DENND1A: variants seen among roughly 807,000 people sequenced by gnomAD.
DENND1A encodes the protein DENN domain containing 1A, also known as DENN domain-containing protein 1A.
Under a neutral mutation model 113.7 loss-of-function variants are expected in DENND1A, and 51 were observed. The observed-to-expected ratio is 0.45, with a 90% CI of 0.36 to 0.57. DENND1A has a LOEUF of 0.57. Among genes scored for constraint, DENND1A ranks in the 20% least tolerant of loss-of-function variants. The probability of loss-of-function intolerance (pLI) is 0.00; values close to 1 mark genes in which losing one functional copy is unlikely to be tolerated. For synonymous variants in DENND1A, 565 were observed against 570.8 expected (o/e 0.99, Z 0.14); for missense variants, 1,258 against 1,395.9 (o/e 0.90, Z 1.57).
intron 19 of DENND1A, among the ~76,000 whole-genome samples, chr9:123,436,213 C>T (rs1048690578): frequency 2.6e-5 from 4 of 152,184 alleles, no homozygotes; most frequent in East Asian, 1.9e-4. Context: ...AATGCCTTCC[C>T]GGGGAGTCTG....
chr9:123,664,425 A>G (rs981530535), intron 8 of DENND1A, among the ~76,000 whole-genome samples: 3 of 151,862 alleles, frequency 2.0e-5, no homozygotes, highest in Non-Finnish European at 2.9e-5. Flanking sequence ...AAAAACTACT[A>G]TTTTTCAATT....
chr9:123,581,873 C>G (rs2058916209), intron 12 of DENND1A, among the ~76,000 whole-genome samples: 1 of 152,292 alleles, frequency 6.6e-6, no homozygotes, highest in African/African-American at 2.4e-5. Context: ...GAGGCCAAAG[C>G]AGAAACAGCA....
At chr9:123,707,721 C>G (rs1421503606) in intron 5 of DENND1A, among the ~76,000 whole-genome samples, 1 of 152,116 alleles carries the variant, frequency 6.6e-6, no homozygotes, top group Admixed American at 6.6e-5. Flanking sequence ...CAGTGGAGAA[C>G]TGACGACAAC....
chr9:123,490,702 T>A (rs930137831), intron 13 of DENND1A, among the ~76,000 whole-genome samples: 1 of 152,234 alleles, frequency 6.6e-6, no homozygotes, highest in Non-Finnish European at 1.5e-5. Flanking sequence ...AAATTAATCT[T>A]CATAATGTAT....
intron 20 of DENND1A, among the ~76,000 whole-genome samples, chr9:123,408,033 C>T (rs2044015735): frequency 6.6e-6 from 1 of 152,166 alleles, no homozygotes; most frequent in Non-Finnish European, 1.5e-5. Flanking sequence ...CTTCGGGTAA[C>T]ATCTGAACTC....
At chr9:123,548,769 G>A (rs1174391605) in intron 13 of DENND1A, among the ~76,000 whole-genome samples, 1 of 152,196 alleles carries the variant, frequency 6.6e-6, no homozygotes, top group Non-Finnish European at 1.5e-5. Context: ...GCTATAACAC[G>A]GATGAACCTG....
chr9:123,697,743 G>A (rs1471440161), intron 5 of DENND1A, among the ~76,000 whole-genome samples: 6 of 152,060 alleles, frequency 3.9e-5, no homozygotes, highest in Admixed American at 3.3e-4. Context: ...GCCTCAATGC[G>A]AAAAACCAGG....
intron 3 of DENND1A, among the ~76,000 whole-genome samples, chr9:123,781,547 C>G (rs1779088773): frequency 6.6e-6 from 1 of 152,160 alleles, no homozygotes; most frequent in Non-Finnish European, 1.5e-5. Flanking sequence ...CTTCCTCATA[C>G]TACATCAGAA....
intron 1 of DENND1A, among the ~76,000 whole-genome samples, chr9:123,926,376 T>G (rs1857092886): frequency 6.6e-6 from 1 of 152,126 alleles, no homozygotes. Flanking sequence ...AAGACCAGCC[T>G]GACCAACACG....
At chr9:123,733,553 C>T (rs1473750085) in intron 5 of DENND1A, among the ~76,000 whole-genome samples, 1 of 152,014 alleles carries the variant, frequency 6.6e-6, no homozygotes, top group Non-Finnish European at 1.5e-5. Context: ...TTCCAAAGCA[C>T]TGAGATTACA....
chr9:123,485,689 C>CACACAG (rs1344024675), intron 13 of DENND1A: 20 of 148,948 alleles, frequency 1.3e-4, no homozygotes, highest in African/African-American at 4.2e-4. Context: ...CACACACACA[C>CACACAG]ACGCAGTGTG....
intron 11 of DENND1A, among the ~76,000 whole-genome samples, chr9:123,594,128 G>A (rs113239736): frequency 1.1e-4 from 16 of 152,236 alleles, no homozygotes; most frequent in South Asian, 4.2e-4. Flanking sequence ...CTTTATAGTC[G>A]TGTGAGAATG....
chr9:123,748,370 A>C (rs2069709439), intron 5 of DENND1A, among the ~76,000 whole-genome samples: 1 of 152,222 alleles, frequency 6.6e-6, no homozygotes, highest in African/African-American at 2.4e-5. Flanking sequence ...AAAAAATAAC[A>C]TCCTAAAAAT....
At chr9:123,704,225 A>T (rs955396473) in intron 5 of DENND1A, among the ~76,000 whole-genome samples, 5 of 152,186 alleles carry the variant, frequency 3.3e-5, no homozygotes, top group African/African-American at 1.2e-4. Flanking sequence ...TCTTTGCCAA[A>T]CCATGAACAC....
intron 3 of DENND1A, among the ~76,000 whole-genome samples, chr9:123,781,924 G>A (rs1831376077): frequency 6.6e-6 from 1 of 151,996 alleles, no homozygotes; most frequent in African/African-American, 2.4e-5. Context: ...TCAAAAATTA[G>A]CCAGGCGTGG....
chr9:123,754,783 G>A (rs1223061942), intron 5 of DENND1A, among the ~76,000 whole-genome samples: 1 of 152,190 alleles, frequency 6.6e-6, no homozygotes, highest in African/African-American at 2.4e-5. Context: ...ATGAAAGCAC[G>A]AAGACTATTC....
chr9:123,387,615 T>A, intron 22 of DENND1A, 115 bp downstream of exon 22: 1 of 1,187,622 alleles, frequency 8.4e-7, no homozygotes, highest in Non-Finnish European at 1.1e-6. Flanking sequence ...AGGCAGCAGC[T>A]CCAGACACCC....
intron 5 of DENND1A, among the ~76,000 whole-genome samples, chr9:123,691,062 CT>C (rs1372208006): frequency 9.2e-5 from 14 of 152,188 alleles, no homozygotes; most frequent in Admixed American, 9.2e-4. Context: ...GCAACCCTCC[CT>C]TATCTAAGGT....
At chr9:123,432,174 C>T (rs1426444604) in intron 19 of DENND1A, among the ~76,000 whole-genome samples, 1 of 152,202 alleles carries the variant, frequency 6.6e-6, no homozygotes, top group African/African-American at 2.4e-5. Flanking sequence ...TCAACTCAAT[C>T]GTTATGAATG....
Sources: allele counts gnomAD v4.1 joint callset (sites outside exome capture counted in the v4.1 genomes callset), GRCh38; gene constraint gnomAD v4.1.1; transcripts MANE v1.5; gene names NCBI Gene and HGNC (gene_info 2026-07-23, HGNC 2026-07-21).